PIP4P2: variants seen among roughly 807,000 people sequenced by gnomAD.
PIP4P2 encodes the protein type 2 phosphatidylinositol 4,5-bisphosphate 4-phosphatase.
A neutral mutation model predicts 33.3 loss-of-function variants in PIP4P2; 19 were observed. The ratio of observed to expected loss-of-function variants is 0.57; its 90% CI spans 0.40 to 0.84. The LOEUF (loss-of-function observed/expected upper bound fraction) is 0.84, where lower values mean the gene tolerates loss of function less well. Among genes scored for constraint, PIP4P2 ranks in the 40% least tolerant of loss-of-function variants. PIP4P2 has a pLI of 0.00. For synonymous variants in PIP4P2, 110 were observed against 111.9 expected, an observed-to-expected ratio of 0.98 and a Z score of 0.11; for missense variants, 270 against 324.7, an observed-to-expected ratio of 0.83 and a Z score of 1.29.
chr8:91,010,678 A>G (rs571298436), intron 4 of PIP4P2, among the ~76,000 whole-genome samples: 2 of 151,966 alleles, frequency 1.3e-5, no homozygotes, highest in South Asian at 4.1e-4. Flanking sequence ...ATGAATCCCA[A>G]ACCTATGCTT....
intron 1 of PIP4P2, among the ~76,000 whole-genome samples, chr8:91,022,013 A>T (rs950545563): frequency 6.6e-6 from 1 of 152,272 alleles, no homozygotes; most frequent in African/African-American, 2.4e-5. Context: ...ACAAAACAAA[A>T]ATAAAGTAAA....
chr8:91,039,800 G>A (rs1209940618), intron 1 of PIP4P2, among the ~76,000 whole-genome samples: 2 of 151,978 alleles, frequency 1.3e-5, no homozygotes, highest in Admixed American at 1.3e-4. Flanking sequence ...TTAGAACAAC[G>A]ATCGATTTTT....
intron 4 of PIP4P2, among the ~76,000 whole-genome samples, chr8:91,011,898 A>G (rs552914255): frequency 1.4e-4 from 22 of 152,136 alleles, no homozygotes; most frequent in South Asian, 4.1e-4. Flanking sequence ...TACTTTAGCA[A>G]TTGTGTTTTT....
At chr8:91,037,941 A>G (rs766992549) in intron 1 of PIP4P2, among the ~76,000 whole-genome samples, 1 of 152,226 alleles carries the variant, frequency 6.6e-6, no homozygotes, top group Non-Finnish European at 1.5e-5. Context: ...AGATGAGCCT[A>G]AAACTCTCTT....
chr8:91,013,475 T>C (rs1298900541), intron 4 of PIP4P2, among the ~76,000 whole-genome samples: 1 of 152,200 alleles, frequency 6.6e-6, no homozygotes, highest in Non-Finnish European at 1.5e-5. Context: ...ATTTAGTTAA[T>C]TCATTTAATA....
chr8:91,011,200 T>C (rs564929953), intron 4 of PIP4P2, among the ~76,000 whole-genome samples: 2 of 152,128 alleles, frequency 1.3e-5, no homozygotes, highest in South Asian at 4.1e-4. Flanking sequence ...AGGTACTAAA[T>C]TGGCCCACTT....
chr8:91,008,522 A>G (rs762446859), intron 5 of PIP4P2, among the ~76,000 whole-genome samples: 25 of 152,170 alleles, frequency 1.6e-4, no homozygotes, highest in Non-Finnish European at 2.6e-4. Context: ...ATAGAAATTG[A>G]TTTCCCTTTA....
At chr8:91,026,171 A>C (rs566377179) in intron 1 of PIP4P2, among the ~76,000 whole-genome samples, 1 of 152,256 alleles carries the variant, frequency 6.6e-6, no homozygotes, top group East Asian at 1.9e-4. Context: ...GGGAGGCTGC[A>C]AGGCTGGAGG....
chr8:91,029,967 A>G (rs1056575230), intron 1 of PIP4P2, among the ~76,000 whole-genome samples: 1 of 152,166 alleles, frequency 6.6e-6, no homozygotes, highest in Non-Finnish European at 1.5e-5. Flanking sequence ...ACTCCGTCTC[A>G]AAAAAACAAA....
At chr8:90,998,483 A>G (rs1253723447) in intron 5 of PIP4P2, among the ~76,000 whole-genome samples, 1 of 152,088 alleles carries the variant, frequency 6.6e-6, no homozygotes, top group Non-Finnish European at 1.5e-5. Context: ...GCACTTATTA[A>G]TCATAAAATC....
intron 4 of PIP4P2, among the ~76,000 whole-genome samples, chr8:91,011,019 GAGATAGATAGATAGATAGATAGAT>G (rs3084284): frequency 2.5e-4 from 36 of 145,356 alleles, no homozygotes; most frequent in Middle Eastern, 6.9e-3. Context: ...GTATCTTACT[GAGATAGATAGATAGATAGATAGAT>G]AGATAGATAG....
At chr8:91,032,841 G>A (rs576749355) in intron 1 of PIP4P2, among the ~76,000 whole-genome samples, 1 of 151,724 alleles carries the variant, frequency 6.6e-6, no homozygotes, top group African/African-American at 2.4e-5. Context: ...GTGTATTCAG[G>A]GTTACCTGCT....
At chr8:90,998,841 G>C (rs1337944395) in intron 5 of PIP4P2, among the ~76,000 whole-genome samples, 1 of 151,964 alleles carries the variant, frequency 6.6e-6, no homozygotes, top group Non-Finnish European at 1.5e-5. Context: ...CCTAGGCAAT[G>C]CCATTCTGGA....
rs1812006422 is a variant in PIP4P2, at chr8:91,021,355, A to G, written c.156T>C (p.Gly52=). Residue 52 remains glycine, a synonymous_variant, in exon 2 of 7, where the codon GGT becomes GGC. Coordinates refer to ENST00000285419, the MANE Select transcript of PIP4P2 (RefSeq NM_018710.3). ...ACACACGGCAGTTTATTACTGGAAT[A>G]CCACTGGCGTCTGGACTGGCAATGG... ...YTAIASPDAS[G]IPVINCRVCQ... is the part of the protein sequence containing the mutation. 6.2e-7 allele frequency: 1 copy of G among 1,613,876 alleles called. No homozygotes were observed. Among genetic ancestry groups the G allele is most frequent in the South Asian group, 1.1e-5 (1 of 91,074 alleles).
intron 1 of PIP4P2, among the ~76,000 whole-genome samples, chr8:91,033,498 C>T (rs12375263): frequency 0.12 from 17,671 of 152,182 alleles, 1,515 homozygotes; most frequent in African/African-American, 0.24. Flanking sequence ...CCTGTTGCCT[C>T]TTCTGCTCTA....
chr8:91,027,071 C>G (rs972634291), intron 1 of PIP4P2, among the ~76,000 whole-genome samples: 1 of 152,190 alleles, frequency 6.6e-6, no homozygotes, highest in Non-Finnish European at 1.5e-5. Flanking sequence ...AAAAGTATCA[C>G]TTATTTCTAA....
chr8:91,020,286 A>C, intron 2 of PIP4P2, 23 bp from the exon 3 acceptor site: 1 of 1,607,458 alleles, frequency 6.2e-7, no homozygotes, highest in Non-Finnish European at 8.5e-7. Context: ...AGAAAATGCA[A>C]ACACAGCAAT....
At chr8:91,034,493 G>T (rs931432225) in intron 1 of PIP4P2, among the ~76,000 whole-genome samples, 1 of 152,102 alleles carries the variant, frequency 6.6e-6, no homozygotes, top group Non-Finnish European at 1.5e-5. Flanking sequence ...AGCAAATTTT[G>T]ATTCAAGAAC....
intron 1 of PIP4P2, among the ~76,000 whole-genome samples, chr8:91,039,304 A>G (rs1270191321): frequency 3.9e-5 from 6 of 152,210 alleles, no homozygotes; most frequent in African/African-American, 1.4e-4. Context: ...ATGCTGACCA[A>G]CAAAAATGAC....
Sources: allele counts gnomAD v4.1 joint callset (sites outside exome capture counted in the v4.1 genomes callset), GRCh38; gene constraint gnomAD v4.1.1; transcripts MANE v1.5; gene names NCBI Gene and HGNC (gene_info 2026-07-23, HGNC 2026-07-21).